The following FEM1C variants were observed in gnomAD, a reference collection of about 807,000 sequenced individuals.
FEM1C encodes protein fem-1 homolog C.
FEM1C carries 15 observed loss-of-function variants against 37.6 expected under a neutral mutation model. The observed-to-expected ratio is 0.40, with a 90% confidence interval of 0.27 to 0.61. The LOEUF (loss-of-function observed/expected upper bound fraction) is 0.61. FEM1C is among the 20% of genes least tolerant of loss of function. The pLI is 0.42. For synonymous variants in FEM1C, 287 were observed against 272.8 expected, an observed-to-expected ratio of 1.05 and a Z score of -0.51; for missense variants, 532 against 749.7, an observed-to-expected ratio of 0.71 and a Z score of 3.39.
Position 115,524,847 on chromosome 5 carries a change from T to G in FEM1C, c.1315A>C (p.Asn439His). ...TQCPADPLQLNKALSIILHLI... is the reference protein window; with the variant it reads ...TQCPADPLQLHKALSIILHLI... Reference sequence around the variant, plus strand: ...TGCAAAATAATAGAAAGGGCCTTATTTAACTGTAATGGGTCAGCTGGACAC... The same window carrying G: ...TGCAAAATAATAGAAAGGGCCTTATGTAACTGTAATGGGTCAGCTGGACAC... Residue 439 changes from asparagine (N) to histidine (H), a missense_variant, in exon 3 of 3, where the codon AAT becomes CAT. Physicochemically the swap from Asn to His is moderately conservative, Grantham distance 68. Transcript: ENST00000274457. 1 of 1,612,322 alleles carries G rather than the reference T, an allele frequency of 6.2e-7. No homozygotes were observed. Among genetic ancestry groups the G allele is most frequent in the Non-Finnish European group, 8.5e-7 (1 of 1,179,362 alleles).
At chr5:115,530,787 A>T (rs1007430729) in intron 2 of FEM1C, among the ~76,000 whole-genome samples, 4 of 152,138 alleles carry the variant, frequency 2.6e-5, no homozygotes, top group African/African-American at 9.6e-5. Flanking sequence ...AGCAAGCCCA[A>T]TGAAAATCAG....
intron 1 of FEM1C, 200 bp from the exon 2 acceptor site, chr5:115,543,883 T>G: frequency 1.0e-6 from 1 of 984,024 alleles, no homozygotes; most frequent in South Asian, 4.7e-5. Flanking sequence ...AATGTTCTGG[T>G]CGCAGGCAGT....
At chr5:115,538,622 GCAAA>G (rs201406557) in intron 2 of FEM1C, among the ~76,000 whole-genome samples, 5,181 of 151,966 alleles carry the variant, frequency 0.034, 130 homozygotes, top group Non-Finnish European at 0.055. Flanking sequence ...AAACAAACAA[GCAAA>G]CAAACAAACC....
chr5:115,535,622 G>A (rs185751561), intron 2 of FEM1C, among the ~76,000 whole-genome samples: 1 of 152,080 alleles, frequency 6.6e-6, no homozygotes, highest in African/African-American at 2.4e-5. Context: ...AGAGGGTGTG[G>A]AGAAACTGGA....
At chr5:115,540,574 T>C (rs1307631215) in intron 2 of FEM1C, among the ~76,000 whole-genome samples, 1 of 151,930 alleles carries the variant, frequency 6.6e-6, no homozygotes, top group East Asian at 1.9e-4. Context: ...AAGATGATAG[T>C]GGTGATAAAG....
rs1442042340 is a variant in FEM1C at position 115,525,400 on chromosome 5, T to C, written c.762A>G (p.Thr254=). 2.5e-6 allele frequency: 4 copies of C among 1,613,604 alleles called. No homozygotes were observed. The highest frequency in any genetic ancestry group is 1.1e-5 in the South Asian group (1 of 91,080). ...RINALELLGA[T]FVDKKRDLLG... is the part of the protein sequence containing the mutation. ...GCAGATCTCTTTTTTTGTCTACAAA[T>C]GTAGCTCCCAGAAGCTCTAGAGCAT... Residue 254 remains threonine, a synonymous_variant, in exon 3 of 3, where the codon ACA becomes ACG. Coordinates refer to ENST00000274457, the MANE Select transcript of FEM1C (RefSeq NM_020177.3).
intron 2 of FEM1C, among the ~76,000 whole-genome samples, chr5:115,527,277 T>A (rs1753914988): frequency 6.6e-6 from 1 of 152,180 alleles, no homozygotes; most frequent in Non-Finnish European, 1.5e-5. Flanking sequence ...TAAACCTGAA[T>A]ACTTCAAATA....
chr5:115,532,015 A>G (rs886963144), intron 2 of FEM1C, among the ~76,000 whole-genome samples: 5 of 152,094 alleles, frequency 3.3e-5, no homozygotes, highest in African/African-American at 4.8e-5. Flanking sequence ...TGATTTTCCT[A>G]TAAAGCACTT....
At chr5:115,543,999 A>G in intron 1 of FEM1C, 2 of 985,360 alleles carry the variant, frequency 2.0e-6, no homozygotes, top group Non-Finnish European at 2.4e-6. Context: ...ACGCCCAGGG[A>G]GAGTACAACC....
intron 2 of FEM1C, among the ~76,000 whole-genome samples, chr5:115,534,810 C>A (rs1413388494): frequency 2.6e-5 from 4 of 151,848 alleles, no homozygotes; most frequent in African/African-American, 9.7e-5. Context: ...TAATAAAATG[C>A]AGATTTTGAT....
chr5:115,529,844 A>C (rs1031266421), intron 2 of FEM1C, among the ~76,000 whole-genome samples: 2 of 152,014 alleles, frequency 1.3e-5, no homozygotes, highest in African/African-American at 2.4e-5. Context: ...AAAATAATAG[A>C]GGGTATGCAC....
intron 1 of FEM1C, chr5:115,544,140 AC>A (rs1323889997): frequency 2.0e-6 from 2 of 985,182 alleles, no homozygotes; most frequent in Non-Finnish European, 2.4e-6. Flanking sequence ...GACACACCAA[AC>A]CCCGGCTAAG....
Position 115,521,877 on chromosome 5 carries a change from G to A in FEM1C, c.*2431C>T, listed in dbSNP as rs931352253. The A allele has an allele frequency of 2.0e-5, 3 of 151,874 alleles. No homozygotes were observed. Among genetic ancestry groups the A allele is most frequent in the East Asian group, 1.9e-4 (1 of 5,194 alleles). 9.4% of individuals were successfully genotyped at this position (151,874 alleles called of 1,614,324 possible). A position where few individuals can be genotyped will look rare whatever the true frequency, so the allele number is the denominator to read the frequency against. Reference sequence around the variant, plus strand: ...AAAATAAAATCAGGGACAATTTTGAGCTATTAAATTAACTGGTTTTTCAAA... The same window carrying A: ...AAAATAAAATCAGGGACAATTTTGAACTATTAAATTAACTGGTTTTTCAAA... On this transcript the variant is annotated 3_prime_UTR_variant, in exon 3 of 3. Coordinates refer to ENST00000274457, the MANE Select transcript of FEM1C (RefSeq NM_020177.3).
At chr5:115,541,869 T>C (rs535585534) in intron 2 of FEM1C, among the ~76,000 whole-genome samples, 2 of 152,212 alleles carry the variant, frequency 1.3e-5, no homozygotes, top group South Asian at 2.1e-4. Flanking sequence ...TGTATTTGCA[T>C]AGACCAACTC....
chr5:115,534,462 G>A (rs1335256854), intron 2 of FEM1C, among the ~76,000 whole-genome samples: 1 of 151,818 alleles, frequency 6.6e-6, no homozygotes, highest in African/African-American at 2.4e-5. Flanking sequence ...CAAACCAAAC[G>A]TTTTGAGTTT....
chr5:115,540,735 A>G lies in FEM1C; in HGVS notation c.544+2215T>C, dbSNP rs528144800. Among the ~76,000 whole-genome samples, 12 of 152,250 alleles carry G rather than the reference A, an allele frequency of 7.9e-5. No individual in the cohort carries two copies. In the South Asian group the frequency reaches 2.5e-3, roughly 32 times the overall value. ...AGTACATAAAGAAGCTTTGGAAAAT[A>G]TAACGGAAGTAATACCAGTTCTCAT... On this transcript the variant is annotated intron_variant, in intron 2 of 2. Coordinates refer to ENST00000274457, the MANE Select transcript of FEM1C (RefSeq NM_020177.3).
Position 115,521,123 on chromosome 5 carries a change from A to G in FEM1C, c.*3185T>C, listed in dbSNP as rs536221183. 6.6e-6 allele frequency: 1 copy of G among 151,750 alleles called. No individual in the cohort carries two copies. Among genetic ancestry groups the G allele is most frequent in the Admixed American group, 6.6e-5 (1 of 15,188 alleles). The allele number at this position is 151,750 out of a possible 1,614,324, so 9.4% of individuals were successfully genotyped here. A position where few individuals can be genotyped will look rare whatever the true frequency, so the allele number is the denominator to read the frequency against. ...AGAAAAAAAGAAAATGATGATGACC[A>G]ATTAGTTTGTTTCCTTAGTATCTAA... is the stretch of plus-strand genomic sequence containing the variant. On this transcript the variant is annotated 3_prime_UTR_variant, in exon 3 of 3. Transcript: ENST00000274457.
At chr5:115,532,939 T>G (rs978374074) in intron 2 of FEM1C, among the ~76,000 whole-genome samples, 9 of 152,044 alleles carry the variant, frequency 5.9e-5, no homozygotes, top group Admixed American at 2.6e-4. Flanking sequence ...CAAAGGAGCA[T>G]GAAGGACATT....
At chr5:115,544,390 C>T (rs1163144967) in intron 1 of FEM1C, 133 bp downstream of exon 1, 1 of 157,526 alleles carries the variant, frequency 6.3e-6, no homozygotes, top group East Asian at 1.9e-4. Context: ...AACCCCCTCC[C>T]GATGGGCCAA....
Sources: allele counts gnomAD v4.1 joint callset (sites outside exome capture counted in the v4.1 genomes callset), GRCh38; gene constraint gnomAD v4.1.1; transcripts MANE v1.5; gene names NCBI Gene and HGNC (gene_info 2026-07-23, HGNC 2026-07-21).